The following SIGLEC1 variants were observed in gnomAD, a reference collection of about 807,000 sequenced individuals.
SIGLEC1 encodes the protein sialoadhesin.
In SIGLEC1, 132 loss-of-function variants were observed where a neutral mutation model predicts 148.0. That is an observed-to-expected ratio of 0.89 (90% confidence interval 0.77 to 1.03). The LOEUF is 1.03. SIGLEC1 is among the 50% of genes least tolerant of loss of function. The pLI is 0.00. For synonymous variants in SIGLEC1, 945 were observed against 969.0 expected (o/e 0.98, Z 0.46); for missense variants, 2,253 against 2,271.4 (o/e 0.99, Z 0.16).
intron 7 of SIGLEC1, 152 bp from the exon 8 acceptor site, chr20:3,699,611 A>C (rs1338483771): frequency 1.5e-5 from 14 of 943,238 alleles, no homozygotes; most frequent in Non-Finnish European, 2.2e-5. Context: ...CTTTAATGCC[A>C]AATCAGATCT....
At position 3,693,461 on chromosome 20, in the gene SIGLEC1, G is replaced by A; in HGVS notation, c.3494C>T (p.Thr1165Ile). ...GRAPRLSRPI[T>I]LDVLYAPRNL... Reference sequence around the variant, plus strand: ...GCCAGACTCACAGAGGACGTCCAAGGTGATAGGTCTGGAGAGGCGGGGTGC... The same window carrying A: ...GCCAGACTCACAGAGGACGTCCAAGATGATAGGTCTGGAGAGGCGGGGTGC... The change falls in exon 14 of 22, where the codon ACC becomes ATC. Residue 1165 changes from threonine to isoleucine, a missense_variant. By Grantham distance (89) the Thr-to-Ile change is moderately conservative. Transcript: ENST00000344754. 1 of 1,587,536 alleles carries A rather than the reference G, an allele frequency of 6.3e-7. No homozygotes were observed. Among genetic ancestry groups the A allele is most frequent in the African/African-American group, 1.3e-5 (1 of 74,772 alleles).
intron 11 of SIGLEC1, among the ~76,000 whole-genome samples, chr20:3,695,477 G>T (rs531355510): frequency 2.1e-4 from 32 of 152,266 alleles, no homozygotes; most frequent in African/African-American, 7.2e-4. Context: ...CCAGGCAAAG[G>T]GCAGCTCCTC....
rs1301210966 is a variant in SIGLEC1 at position 3,693,811 on chromosome 20, T to C, written c.3257-113A>G. 12 of 1,187,074 alleles carry C rather than the reference T, an allele frequency of 1.0e-5. No homozygotes were observed. The Admixed American group carries it at 2.8e-4, about 28-fold the overall frequency. The allele number at this position is 1,187,074 out of a possible 1,614,324, so 73.5% of individuals were successfully genotyped here. On this transcript the variant is annotated intron_variant, in intron 13 of 21. Transcript: ENST00000344754. ...TACTGCTGGGGAGCCCCTTGGCCTT[T>C]GGGAGCCTTGGGTGGCCCACCTATA...
chr20:3,689,133 C>T, intron 21 of SIGLEC1, 22 bp downstream of exon 21: 1 of 1,602,738 alleles, frequency 6.2e-7, no homozygotes, highest in Non-Finnish European at 8.6e-7. Flanking sequence ...ATTATATCTG[C>T]CCGTGTGTGT....
chr20:3,704,210 A>T (rs1270482655), intron 4 of SIGLEC1, 119 bp from the exon 5 acceptor site: 2 of 956,438 alleles, frequency 2.1e-6, no homozygotes, highest in Admixed American at 2.2e-5. Flanking sequence ...ATAAAACAGC[A>T]GTCCCCTTCA....
intron 6 of SIGLEC1, among the ~76,000 whole-genome samples, chr20:3,702,285 T>G (rs1421218377): frequency 6.6e-6 from 1 of 152,198 alleles, no homozygotes; most frequent in Non-Finnish European, 1.5e-5. Context: ...GATTATAGCT[T>G]AGATAACAGT....
Position 3,689,959 on chromosome 20 carries a change from C to T in SIGLEC1, c.4894+3G>A, listed in dbSNP as rs1356593232. The T allele has an allele frequency of 1.2e-6, 2 of 1,609,338 alleles. No homozygotes were observed. Among genetic ancestry groups the T allele is most frequent in the East Asian group, 4.5e-5 (2 of 44,768 alleles). The stretch of plus-strand genomic sequence containing the variant: ...CCTGGGAGATGGAGCCCCCTCCCCT[C>T]ACCTCTGACCCCAAAGTAGGTGGAG... On this transcript the variant is annotated splice_donor_region_variant and intron_variant, in intron 19 of 21. Transcript: ENST00000344754.
intron 11 of SIGLEC1, among the ~76,000 whole-genome samples, chr20:3,696,129 T>TATATATACACACACACAC (rs11087599): frequency 7.0e-6 from 1 of 142,426 alleles, no homozygotes; most frequent in South Asian, 2.3e-4. Flanking sequence ...ACTATATATA[T>TATATATACACACACACAC]ACACACACAC....
At chr20:3,702,303 C>T (rs540786544) in intron 6 of SIGLEC1, among the ~76,000 whole-genome samples, 1 of 152,262 alleles carries the variant, frequency 6.6e-6, no homozygotes, top group East Asian at 1.9e-4. Flanking sequence ...AGTCTTCTAT[C>T]AGCCAGGTGT....
rs539770137 is a variant in SIGLEC1 at position 3,694,371 on chromosome 20, C to T, written c.3106G>A (p.Gly1036Ser). 1.2e-5 allele frequency: 19 copies of T among 1,613,286 alleles called. No individual in the cohort carries two copies. In the African/African-American group the frequency reaches 1.9e-4, roughly 16 times the overall value. ...STLQGVGGPE[G>S]SSPRLHVAVA... ...GCCACATGCAGCCTGGGAGAGCTGCCTTCGGGTCCCCCCACACCTTGTAGG... is the reference window on the plus strand; with the variant it reads ...GCCACATGCAGCCTGGGAGAGCTGCTTTCGGGTCCCCCCACACCTTGTAGG... Residue 1036 changes from glycine (G) to serine (S), a missense_variant, in exon 13 of 22, where the codon GGC becomes AGC. Coordinates refer to ENST00000344754, the MANE Select transcript of SIGLEC1 (RefSeq NM_023068.4).
At chr20:3,689,493 C>A in intron 20 of SIGLEC1, 107 bp downstream of exon 20, 1 of 746,972 alleles carries the variant, frequency 1.3e-6, no homozygotes, top group South Asian at 1.8e-5. Flanking sequence ...AAGTAGGCAG[C>A]CTGTGAACTT....
chr20:3,692,443 G>C (rs1442189450), intron 16 of SIGLEC1, 78 bp downstream of exon 16: 27 of 1,460,624 alleles, frequency 1.8e-5, no homozygotes, highest in Middle Eastern at 2.5e-4. Context: ...GCAGTCCTTT[G>C]CCCACTCCCA....
chr20:3,688,631 G>A lies in SIGLEC1; in HGVS notation c.5071-12C>T, dbSNP rs749612007. On this transcript the variant is annotated splice_polypyrimidine_tract_variant and intron_variant, in intron 21 of 21. Coordinates refer to ENST00000344754, the MANE Select transcript of SIGLEC1 (RefSeq NM_023068.4). ...TCAGGATCAATGAGCTTCCCACAGAGAAAACCCTGGTCACAGGAGGCCTCT... is the reference window on the plus strand; with the variant it reads ...TCAGGATCAATGAGCTTCCCACAGAAAAAACCCTGGTCACAGGAGGCCTCT... 1 of 1,584,778 alleles carries A rather than the reference G, an allele frequency of 6.3e-7. No individual in the cohort carries two copies. Among genetic ancestry groups the A allele is most frequent in the African/African-American group, 1.3e-5 (1 of 74,154 alleles).
chr20:3,689,689 C>G lies in SIGLEC1; in HGVS notation c.4908G>C (p.Leu1636=). 1 of 1,577,362 alleles carries G rather than the reference C, an allele frequency of 6.3e-7. No individual in the cohort carries two copies. The change falls in exon 20 of 22, where the codon CTG becomes CTC. Residue 1636 remains leucine, a synonymous_variant. Coordinates refer to ENST00000344754, the MANE Select transcript of SIGLEC1 (RefSeq NM_023068.4). The part of the protein sequence containing the change: ...TYFGVRALHR[L]HQFQQLLWVL... ...CCCAGAGCAGCTGCTGGAACTGATG[C>G]AGGCGGTGCAGGGCTGGAACACAGA...
At chr20:3,703,104 G>A (rs767562402) in intron 6 of SIGLEC1, 93 bp downstream of exon 6, 1 of 1,534,706 alleles carries the variant, frequency 6.5e-7, no homozygotes, top group Non-Finnish European at 8.9e-7. Context: ...TGGCCTTGAA[G>A]TTCCCATGCC....
In SIGLEC1 at chr20:3,707,217, G is replaced by T. The variant is rs1040357089; in HGVS notation, c.-89C>A. 14 of 1,219,940 alleles carry T rather than the reference G, an allele frequency of 1.1e-5. No individual in the cohort carries two copies. The highest frequency in any genetic ancestry group is 3.6e-5 in the Admixed American group (2 of 55,780). 75.6% of individuals were successfully genotyped at this position (1,219,940 alleles called of 1,614,324 possible). Reference sequence around the variant, plus strand: ...CAGGGGCCTCCAGGGACACCTCTGGGCACTTTAGCCCCAGCACCTGCTAGA... The same window carrying T: ...CAGGGGCCTCCAGGGACACCTCTGGTCACTTTAGCCCCAGCACCTGCTAGA... On this transcript the variant is annotated 5_prime_UTR_variant, in exon 2 of 22. Coordinates refer to ENST00000344754, the MANE Select transcript of SIGLEC1 (RefSeq NM_023068.4).
Position 3,690,227 on chromosome 20 carries a change from C to T in SIGLEC1, c.4629G>A (p.Glu1543=), listed in dbSNP as rs781108789. Residue 1543 remains glutamate, a synonymous_variant, in exon 19 of 22, where the codon GAG becomes GAA. Transcript: ENST00000344754. ...PKTPTMMVFV[E]PEGGLRGILD... is the part of the protein sequence containing the mutation. Reference sequence around the variant, plus strand: ...GGATGCCCCGGAGGCCACCCTCAGGCTCCACGAAGACCATCATGGTGGGCG... The same window carrying T: ...GGATGCCCCGGAGGCCACCCTCAGGTTCCACGAAGACCATCATGGTGGGCG... The T allele has an allele frequency of 5.2e-6, 8 of 1,552,690 alleles. No homozygotes were observed. Among genetic ancestry groups the T allele is most frequent in the Non-Finnish European group, 5.2e-6 (6 of 1,148,568 alleles).
chr20:3,708,772 G>T (rs2087912623), intron 1 of SIGLEC1, among the ~76,000 whole-genome samples: 3 of 151,144 alleles, frequency 2.0e-5, no homozygotes, highest in South Asian at 4.2e-4. Flanking sequence ...CAACAGCTGG[G>T]TGCGGTGGCT....
chr20:3,697,291 G>C lies in SIGLEC1; in HGVS notation c.2174C>G (p.Ala725Gly), dbSNP rs200688504. The C allele has an allele frequency of 1.9e-5, 31 of 1,613,866 alleles. No homozygotes were observed. Among genetic ancestry groups the C allele is most frequent in the Middle Eastern group, 1.6e-4 (1 of 6,084 alleles). ...CCGGCTCACGTTGCAAGTCAAGTTG[G>C]CTTCTGTGCCCTCCTGAAGTGTGTG... ...PSHTLQEGTE[A>G]NLTCNVSREA... Residue 725 changes from alanine (A) to glycine (G), a missense_variant, in exon 10 of 22, where the codon GCC becomes GGC. Physicochemically the swap from Ala to Gly is moderately conservative, Grantham distance 60. Transcript: ENST00000344754.
Sources: allele counts gnomAD v4.1 joint callset (sites outside exome capture counted in the v4.1 genomes callset), GRCh38; gene constraint gnomAD v4.1.1; transcripts MANE v1.5; gene names NCBI Gene and HGNC (gene_info 2026-07-23, HGNC 2026-07-21).